EXD3: variants seen among roughly 807,000 people sequenced by gnomAD.
EXD3 encodes the protein exonuclease 3'-5' domain containing 3, also known as exonuclease mut-7 homolog.
EXD3 carries 92 observed loss-of-function variants against 98.0 expected under a neutral mutation model. The observed-to-expected ratio is 0.94, with a 90% CI of 0.79 to 1.12. The LOEUF is 1.12. EXD3 is among the 50% of genes most tolerant of loss of function. The pLI is 0.00. For synonymous variants in EXD3, 569 were observed against 526.0 expected, an observed-to-expected ratio of 1.08 and a Z score of -1.12; for missense variants, 1,222 against 1,191.6, an observed-to-expected ratio of 1.03 and a Z score of -0.38.
At chr9:137,322,684 C>T (rs13302790) in intron 19 of EXD3, among the ~76,000 whole-genome samples, 4 of 111,844 alleles carry the variant, frequency 3.6e-5, no homozygotes, top group Non-Finnish European at 7.6e-5. Context: ...TGCCGACACC[C>T]CACCCCGGAC....
At chr9:137,352,540 C>T in intron 11 of EXD3, 80 bp downstream of exon 11, 1 of 1,333,314 alleles carries the variant, frequency 7.5e-7, no homozygotes. Context: ...GGCGTGAAGA[C>T]TGGTGAGCTG....
rs1208134203 is a variant in EXD3, at chr9:137,347,906, C to T, written c.1998+165G>A. ...GGGACCATCTCAGCCACTTGGCCCC[C>T]AACCGCTCCATCCTTGGCCACCCCG... On this transcript the variant is annotated intron_variant, in intron 17 of 21. Transcript: ENST00000340951. The surrounding 1 kb of genome is among the most constrained non-coding windows in gnomAD (Gnocchi z 4.2). 1.3e-5 allele frequency among the ~76,000 whole-genome samples: 2 copies of T among 152,184 alleles called. No individual in the cohort carries two copies. The highest frequency in any genetic ancestry group is 4.8e-5 in the African/African-American group (2 of 41,456).
chr9:137,335,975 A>T (rs1833335593), intron 17 of EXD3, among the ~76,000 whole-genome samples: 1 of 152,178 alleles, frequency 6.6e-6, no homozygotes, highest in South Asian at 2.1e-4. Flanking sequence ...AGAACAAAAT[A>T]ATGTCTCTGC....
At position 137,407,965 on chromosome 9, in the gene EXD3, T is replaced by A. The variant is rs1244050011; in HGVS notation, c.-47-12561A>T. On this transcript the variant is annotated intron_variant, in intron 1 of 21. Coordinates refer to ENST00000340951, the MANE Select transcript of EXD3 (RefSeq NM_017820.5). The surrounding 1 kb of genome is among the most constrained non-coding windows in gnomAD (Gnocchi z 4.4). Reference sequence around the variant, plus strand: ...TCAAGCCTCCAGGGGTTTTCCAGCCTCACGCCTCCGGGGGTCTCCCCAGCC... The same window carrying A: ...TCAAGCCTCCAGGGGTTTTCCAGCCACACGCCTCCGGGGGTCTCCCCAGCC... 6.6e-6 allele frequency among the ~76,000 whole-genome samples: 1 copy of A among 151,940 alleles called. No homozygotes were observed. The highest frequency in any genetic ancestry group is 2.4e-5 in the African/African-American group (1 of 41,414).
Position 137,407,496 on chromosome 9 carries a change from C to T in EXD3, c.-47-12092G>A, listed in dbSNP as rs1837783121. On this transcript the variant is annotated intron_variant, in intron 1 of 21. Coordinates refer to ENST00000340951, the MANE Select transcript of EXD3 (RefSeq NM_017820.5). This position sits in a 1 kb window ranked among gnomAD's most constrained non-coding sequence, Gnocchi z 4.4. ...GGTCTGGCCGCTCTCGGGCTCTGCCCTGCCAGCCCCACAACCCAGAACCCA... is the reference window on the plus strand; with the variant it reads ...GGTCTGGCCGCTCTCGGGCTCTGCCTTGCCAGCCCCACAACCCAGAACCCA... 6.6e-6 allele frequency among the ~76,000 whole-genome samples: 1 copy of T among 152,212 alleles called. No homozygotes were observed. Among genetic ancestry groups the T allele is most frequent in the Admixed American group, 6.5e-5 (1 of 15,288 alleles).
chr9:137,348,351 A>C, intron 16 of EXD3, 113 bp from the exon 17 acceptor site: 1 of 1,202,570 alleles, frequency 8.3e-7, no homozygotes, highest in Non-Finnish European at 1.1e-6. Flanking sequence ...TTTTATCTTC[A>C]AAAGATAAAA....
intron 19 of EXD3, among the ~76,000 whole-genome samples, chr9:137,318,259 C>T (rs1469748875): frequency 6.6e-6 from 1 of 152,138 alleles, no homozygotes; most frequent in African/African-American, 2.4e-5. Flanking sequence ...CCACCCTCCC[C>T]AGGGTCCCTG....
chr9:137,371,551 C>A lies in EXD3; in HGVS notation c.462+1354G>T, dbSNP rs2131676931. On this transcript the variant is annotated intron_variant, in intron 5 of 21. Transcript: ENST00000340951. The surrounding 1 kb of genome is among the most constrained non-coding windows in gnomAD (Gnocchi z 8.0). The stretch of plus-strand genomic sequence containing the variant: ...AGCAGCAGGGTCCCACGTGGGCAGG[C>A]AGCGGGGTGGTGGCCTTCACGCTCG... 6.6e-6 allele frequency among the ~76,000 whole-genome samples: 1 copy of A among 152,172 alleles called. No homozygotes were observed. Among genetic ancestry groups the A allele is most frequent in the East Asian group, 1.9e-4 (1 of 5,178 alleles).
At chr9:137,390,670 C>T (rs913995280) in intron 2 of EXD3, among the ~76,000 whole-genome samples, 2 of 152,110 alleles carry the variant, frequency 1.3e-5, no homozygotes, top group Non-Finnish European at 2.9e-5. Flanking sequence ...GGCGTTTTCA[C>T]GGTTTTATGA....
chr9:137,338,695 G>A (rs1698766284), intron 17 of EXD3, among the ~76,000 whole-genome samples: 2 of 150,036 alleles, frequency 1.3e-5, no homozygotes, highest in Admixed American at 6.7e-5. Flanking sequence ...GACCATCCTG[G>A]CTAACATGGT....
Position 137,373,572 on chromosome 9 carries a change from C to T in EXD3, c.148G>A (p.Ala50Thr). ...QLREEAWRGF[A>T]ALDDPLAGLL... ...CCGGCCAGGGGGTCGTCCAAGGCAG[C>T]AAACCCCCGCCAGGCTTCCTCCCGG... Residue 50 changes from alanine to threonine, a missense_variant, in exon 4 of 22, where the codon GCT becomes ACT. Coordinates refer to ENST00000340951, the MANE Select transcript of EXD3 (RefSeq NM_017820.5). 1 of 1,603,078 alleles carries T rather than the reference C, an allele frequency of 6.2e-7. No homozygotes were observed. Among genetic ancestry groups the T allele is most frequent in the Non-Finnish European group, 8.5e-7 (1 of 1,175,728 alleles).
At chr9:137,322,550 G>A (rs1399823343) in intron 19 of EXD3, among the ~76,000 whole-genome samples, 1 of 77,202 alleles carries the variant, frequency 1.3e-5, no homozygotes, top group South Asian at 6.6e-4. Flanking sequence ...ACCTCAACCC[G>A]GACCACGAGG....
At chr9:137,328,781 A>G (rs868602343) in intron 17 of EXD3, among the ~76,000 whole-genome samples, 346 of 20,154 alleles carry the variant, frequency 0.017, 115 homozygotes, top group African/African-American at 0.13. Flanking sequence ...GCTACACGGG[A>G]CTACACGGGA....
chr9:137,315,565 G>C (rs1215855505), intron 19 of EXD3, among the ~76,000 whole-genome samples: 3 of 152,094 alleles, frequency 2.0e-5, no homozygotes, highest in Non-Finnish European at 2.9e-5. Context: ...GCAGGAGGCC[G>C]AGGCCCCGGC....
intron 19 of EXD3, among the ~76,000 whole-genome samples, chr9:137,321,421 G>A (rs559030844): frequency 6.6e-6 from 1 of 152,310 alleles, no homozygotes; most frequent in South Asian, 2.1e-4. Flanking sequence ...GATTACTCAC[G>A]CCTGTCATCC....
chr9:137,409,114 TG>T (rs1406319540), intron 1 of EXD3, among the ~76,000 whole-genome samples: 1 of 152,200 alleles, frequency 6.6e-6, no homozygotes, highest in Non-Finnish European at 1.5e-5. Context: ...GTGAGGATCC[TG>T]CCCCACTGGA....
chr9:137,419,939 C>T (rs1458947358), intron 1 of EXD3, among the ~76,000 whole-genome samples: 1 of 152,094 alleles, frequency 6.6e-6, no homozygotes, highest in African/African-American at 2.4e-5. Flanking sequence ...GCGGGCGGAT[C>T]ACGAGGTCAG....
At chr9:137,348,026 C>G (rs770374323) in intron 17 of EXD3, 45 bp downstream of exon 17, 36 of 1,578,190 alleles carry the variant, frequency 2.3e-5, no homozygotes, top group Non-Finnish European at 3.1e-5. Flanking sequence ...GTGCTAGGGG[C>G]AGCTGCACCT....
chr9:137,376,343 CAA>C (rs765888922), intron 3 of EXD3, among the ~76,000 whole-genome samples: 543 of 39,916 alleles, frequency 0.014, no homozygotes, highest in African/African-American at 0.044. Context: ...GACTCTGTCT[CAA>C]AAAAAAAAAA....
Sources: gnomAD v4.1 joint callset for allele counts (sites outside exome capture counted in the v4.1 genomes callset) on GRCh38, gnomAD v4.1.1 for gene constraint, Gnocchi (gnomAD v3.1) non-coding constraint, MANE v1.5 for transcripts, NCBI Gene and HGNC (gene_info 2026-07-23, HGNC 2026-07-21) for gene names.